NALF1: variants seen among roughly 807,000 people sequenced by gnomAD.
NALF1 encodes family with sequence similarity 155 member A.
In NALF1, 3 loss-of-function variants were observed where a neutral mutation model predicts 48.4. That is an observed-to-expected ratio of 0.06 (90% CI 0.03 to 0.16). NALF1 has a LOEUF of 0.16. Ranked by LOEUF, NALF1 falls within the 10% of genes least tolerant of loss-of-function variation. The pLI, the probability that NALF1 is intolerant of heterozygous loss-of-function variation, is 1.00. For missense variants in NALF1, 526 were observed against 571.5 expected, an observed-to-expected ratio of 0.92 and a Z score of 0.81; for synonymous variants, 262 against 245.7, an observed-to-expected ratio of 1.07 and a Z score of -0.62.
rs187506482 is a variant in NALF1 at position 107,435,801 on chromosome 13, G to A, written c.916-225046C>T. ...AGGGGGAAGGAAAGCGGCGGGGGAG[G>A]GGGGGAAGATACTGCATAAACAGAA... On this transcript the variant is annotated intron_variant, in intron 1 of 2. Transcript: ENST00000375915. Among the ~76,000 whole-genome samples the A allele has an allele frequency of 4.6e-5, 7 of 151,870 alleles. No individual in the cohort carries two copies. In the South Asian group the frequency reaches 1.2e-3, roughly 27 times the overall value.
At chr13:107,595,820 G>A (rs868542659) in intron 1 of NALF1, among the ~76,000 whole-genome samples, 27 of 152,054 alleles carry the variant, frequency 1.8e-4, no homozygotes, top group African/African-American at 3.1e-4. Flanking sequence ...GAGTTCAAGC[G>A]TCCTGCTCAA....
chr13:107,426,126 T>G (rs1884277612), intron 1 of NALF1, among the ~76,000 whole-genome samples: 1 of 152,204 alleles, frequency 6.6e-6, no homozygotes, highest in Non-Finnish European at 1.5e-5. Flanking sequence ...GGCGAGGTGC[T>G]TTCTGTCTCC....
chr13:107,764,087 T>G (rs1877353849), intron 1 of NALF1, among the ~76,000 whole-genome samples: 2 of 152,184 alleles, frequency 1.3e-5, no homozygotes, highest in Non-Finnish European at 2.9e-5. Context: ...CTCTTTTATT[T>G]TCTTCTACTT....
In NALF1 at chr13:107,443,074, C is replaced by T. The variant is rs541446864; in HGVS notation, c.916-232319G>A. 5.9e-5 allele frequency among the ~76,000 whole-genome samples: 9 copies of T among 151,996 alleles called. No homozygotes were observed. In the South Asian group the frequency reaches 8.3e-4, roughly 14 times the overall value. On this transcript the variant is annotated intron_variant, in intron 1 of 2. Coordinates refer to ENST00000375915, the MANE Select transcript of NALF1 (RefSeq NM_001080396.3). ...GCAGCATTTGTGGTGGGTTAAAGTG[C>T]GAAAGAACATGCAGCAAATTTACCT...
At chr13:107,196,610 T>C (rs1477463344) in intron 2 of NALF1, among the ~76,000 whole-genome samples, 1 of 152,116 alleles carries the variant, frequency 6.6e-6, no homozygotes, top group Non-Finnish European at 1.5e-5. Context: ...AAATATTACA[T>C]GATGGCACTT....
At chr13:107,832,184 T>C (rs1879752742) in intron 1 of NALF1, among the ~76,000 whole-genome samples, 1 of 151,982 alleles carries the variant, frequency 6.6e-6, no homozygotes, top group Non-Finnish European at 1.5e-5. Context: ...GAAATAATGA[T>C]GGATATTCAA....
At chr13:107,525,899 G>A (rs1425913036) in intron 1 of NALF1, among the ~76,000 whole-genome samples, 1 of 151,996 alleles carries the variant, frequency 6.6e-6, no homozygotes, top group Non-Finnish European at 1.5e-5. Context: ...GGCTAATGAT[G>A]TTACATTTTG....
At chr13:107,294,616 G>C (rs1881689675) in intron 1 of NALF1, among the ~76,000 whole-genome samples, 4 of 152,158 alleles carry the variant, frequency 2.6e-5, no homozygotes, top group African/African-American at 9.7e-5. Context: ...CAACGCTATG[G>C]GGTTTATACT....
At chr13:107,320,074 T>C (rs1482283169) in intron 1 of NALF1, among the ~76,000 whole-genome samples, 4 of 152,092 alleles carry the variant, frequency 2.6e-5, no homozygotes, top group Non-Finnish European at 5.9e-5. Context: ...TATTGAGATA[T>C]AGACATGGAA....
intron 1 of NALF1, among the ~76,000 whole-genome samples, chr13:107,334,838 T>C (rs529212217): frequency 6.6e-6 from 1 of 152,310 alleles, no homozygotes; most frequent in African/African-American, 2.4e-5. Flanking sequence ...CTCTAAGTTC[T>C]TGTTGAGCCT....
At chr13:107,554,200 G>T (rs1027715917) in intron 1 of NALF1, among the ~76,000 whole-genome samples, 14 of 152,160 alleles carry the variant, frequency 9.2e-5, no homozygotes, top group Non-Finnish European at 1.8e-4. Flanking sequence ...TGTGCCACAA[G>T]ATGCAGCTGA....
intron 1 of NALF1, among the ~76,000 whole-genome samples, chr13:107,325,557 G>T (rs943391802): frequency 2.2e-4 from 33 of 152,036 alleles, no homozygotes; most frequent in East Asian, 7.8e-4. Context: ...ATATAATCTG[G>T]CTGGGTGCAG....
chr13:107,664,115 A>G (rs1880798226), intron 1 of NALF1, among the ~76,000 whole-genome samples: 1 of 152,146 alleles, frequency 6.6e-6, no homozygotes, highest in African/African-American at 2.4e-5. Context: ...CATTTTCTCC[A>G]TCAAACCTGC....
chr13:107,483,728 A>C (rs1885287219), intron 1 of NALF1, among the ~76,000 whole-genome samples: 1 of 152,190 alleles, frequency 6.6e-6, no homozygotes, highest in Non-Finnish European at 1.5e-5. Flanking sequence ...TCTGAGATTT[A>C]ATCTCTTACA....
chr13:107,569,262 G>A (rs1230733524), intron 1 of NALF1, among the ~76,000 whole-genome samples: 2 of 152,006 alleles, frequency 1.3e-5, no homozygotes, highest in East Asian at 1.9e-4. Context: ...GAGGTCAGGA[G>A]ATTGAGACCA....
rs1179421174 is a variant in NALF1 at position 107,415,109 on chromosome 13, A to AT, written c.916-204355dup. On this transcript the variant is annotated intron_variant, in intron 1 of 2. Coordinates refer to ENST00000375915, the MANE Select transcript of NALF1 (RefSeq NM_001080396.3). ...GCATTGTCAAAATAAACTTCAGGAC[A>AT]TTTTACTAAGTATAACTTGACATAA... is the stretch of plus-strand genomic sequence containing the variant. Among the ~76,000 whole-genome samples, 3 of 152,184 alleles carry AT rather than the reference A, an allele frequency of 2.0e-5. No homozygotes were observed. In the East Asian group the frequency reaches 5.8e-4, roughly 29 times the overall value.
intron 1 of NALF1, among the ~76,000 whole-genome samples, chr13:107,391,538 A>G (rs1413503044): frequency 1.3e-5 from 2 of 152,140 alleles, no homozygotes; most frequent in African/African-American, 4.8e-5. Flanking sequence ...AAGATAATCA[A>G]CTAAGAGCCA....
intron 1 of NALF1, among the ~76,000 whole-genome samples, chr13:107,517,435 C>A (rs569979726): frequency 1.3e-5 from 2 of 151,340 alleles, no homozygotes; most frequent in South Asian, 4.2e-4. Flanking sequence ...TCGAGACCAT[C>A]CTGGCTAACA....
chr13:107,817,440 T>A lies in NALF1; in HGVS notation c.915+48242A>T, dbSNP rs896624380. On this transcript the variant is annotated intron_variant, in intron 1 of 2. Coordinates refer to ENST00000375915, the MANE Select transcript of NALF1 (RefSeq NM_001080396.3). The stretch of plus-strand genomic sequence containing the variant: ...GTGAGGACACACAGCCAGAGCTATA[T>A]AAAGAAACATACTGTGATATCTTCA... 4.6e-5 allele frequency among the ~76,000 whole-genome samples: 7 copies of A among 152,328 alleles called. No individual in the cohort carries two copies. In the East Asian group the frequency reaches 1.2e-3, roughly 25 times the overall value.
Sources: allele counts gnomAD v4.1 joint callset (sites outside exome capture counted in the v4.1 genomes callset), GRCh38; gene constraint gnomAD v4.1.1; transcripts MANE v1.5; gene names NCBI Gene and HGNC (gene_info 2026-07-23, HGNC 2026-07-21).